DMD: variants seen among roughly 807,000 people sequenced by gnomAD.
DMD encodes the protein mutant dystrophin.
A neutral mutation model predicts 330.1 loss-of-function variants in DMD; 63 were observed. The ratio of observed to expected loss-of-function variants is 0.19; its 90% CI spans 0.16 to 0.24. The LOEUF is 0.24. Among genes scored for constraint, DMD ranks in the 10% least tolerant of loss-of-function variants. DMD has a pLI of 1.00. For synonymous variants in DMD, 1,223 were observed against 959.8 expected (o/e 1.27, Z -5.07); for missense variants, 3,344 against 2,684.1 (o/e 1.25, Z -5.43).
intron 4 of DMD, among the ~76,000 whole-genome samples, chrX:32,826,501 G>A (rs904904689): frequency 5.4e-5 from 6 of 110,978 alleles, no homozygotes; most frequent in African/African-American, 2.0e-4. Flanking sequence ...CACACACACT[G>A]GAATACTACT....
Position 32,065,947 on chromosome X carries a change from T to C in DMD, c.6439-97433A>G, listed in dbSNP as rs755290791. Among the ~76,000 whole-genome samples the C allele has an allele frequency of 5.8e-4, 65 of 111,141 alleles. 1 individual carries two copies. In the South Asian group the frequency reaches 0.023, roughly 39 times the overall value. On this transcript the variant is annotated intron_variant, in intron 44 of 78. Coordinates refer to ENST00000357033, the MANE Select transcript of DMD (RefSeq NM_004006.3). Reference sequence around the variant, plus strand: ...TCTTTCCTCGACAGTGAATCTTCTTTGTCAGGAAAAAAAATCTCAACAGTC... The same window carrying C: ...TCTTTCCTCGACAGTGAATCTTCTTCGTCAGGAAAAAAAATCTCAACAGTC...
chrX:32,718,373 C>T (rs942119185), intron 7 of DMD, among the ~76,000 whole-genome samples: 4 of 111,104 alleles, frequency 3.6e-5, no homozygotes, highest in Non-Finnish European at 7.5e-5. Flanking sequence ...CCTTCTCTGG[C>T]CATGTAAGCC....
At chrX:32,887,770 A>ACAAAAAAC (rs2084793900) in intron 2 of DMD, among the ~76,000 whole-genome samples, 2 of 70,337 alleles carry the variant, frequency 2.8e-5, no homozygotes, top group Non-Finnish European at 5.8e-5. Context: ...AAAAAAAAAA[A>ACAAAAAAC]AAAAAACATC....
At chrX:31,250,508 G>T (rs948840707) in intron 63 of DMD, among the ~76,000 whole-genome samples, 1 of 112,120 alleles carries the variant, frequency 8.9e-6, no homozygotes, top group Non-Finnish European at 1.9e-5. Context: ...CACTTGATTT[G>T]AGTTTACATT....
rs1430069108 is a variant in DMD at position 32,746,036 on chromosome X, T to C, written c.650-46743A>G. Among the ~76,000 whole-genome samples, 13 of 112,451 alleles carry C rather than the reference T, an allele frequency of 1.2e-4. No individual in the cohort carries two copies. In the East Asian group the frequency reaches 3.4e-3, roughly 29 times the overall value. ...AAGTAACTACCATTTTCACCAAATC[T>C]GCAAATCATATTCCAACAAGTTGTA... On this transcript the variant is annotated intron_variant, in intron 7 of 78. Transcript: ENST00000357033.
chrX:33,194,067 G>A, intron 1 of DMD, among the ~76,000 whole-genome samples: 1 of 110,482 alleles, frequency 9.1e-6, no homozygotes, highest in Middle Eastern at 4.7e-3. Flanking sequence ...TGACAAGTGA[G>A]AATGGTAATA....
chrX:32,809,943 AAAAGAAAGAAAG>A (rs553322206), intron 6 of DMD, among the ~76,000 whole-genome samples: 7,434 of 82,928 alleles, frequency 0.09, 538 homozygotes, highest in East Asian at 0.32. Context: ...AAAAAAAAAA[AAAAGAAAGAAAG>A]AAAGAAAGAA....
At chrX:32,974,551 T>A (rs746335219) in intron 2 of DMD, among the ~76,000 whole-genome samples, 3 of 111,881 alleles carry the variant, frequency 2.7e-5, no homozygotes, top group East Asian at 2.8e-4. Flanking sequence ...CACCTCTTTT[T>A]GTTGTGCTGT....
At chrX:33,127,992 T>A in intron 1 of DMD, 1 of 1,088,285 alleles carries the variant, frequency 9.2e-7, no homozygotes, top group Admixed American at 3.1e-5. Context: ...ATTTAACTTT[T>A]ATAGAAAGGC....
intron 9 of DMD, among the ~76,000 whole-genome samples, chrX:32,679,902 CTTT>C (rs766270656): frequency 1.9e-3 from 45 of 23,574 alleles, no homozygotes; most frequent in African/African-American, 7.1e-3. Context: ...AATATTTGTA[CTTT>C]TTTTTTTTTT....
At chrX:31,507,818 C>T (rs2071101766) in intron 55 of DMD, among the ~76,000 whole-genome samples, 2 of 111,507 alleles carry the variant, frequency 1.8e-5, no homozygotes, top group African/African-American at 6.5e-5. Context: ...AAAGTGTACC[C>T]CAGTGCCAAT....
At chrX:31,509,551 G>A (rs1428524727) in intron 55 of DMD, among the ~76,000 whole-genome samples, 2 of 111,709 alleles carry the variant, frequency 1.8e-5, no homozygotes, top group South Asian at 3.7e-4. Flanking sequence ...TACATATAAA[G>A]GATAGTACAT....
intron 54 of DMD, among the ~76,000 whole-genome samples, 153 bp from the exon 55 acceptor site, chrX:31,628,015 T>C (rs1269681686): frequency 9.0e-6 from 1 of 111,660 alleles, no homozygotes; most frequent in Non-Finnish European, 1.9e-5. Context: ...GCAACAACTA[T>C]AATATTGTGC....
At chrX:31,727,021 G>GA (rs1385088384) in intron 52 of DMD, among the ~76,000 whole-genome samples, 7 of 109,232 alleles carry the variant, frequency 6.4e-5, no homozygotes, top group East Asian at 2.9e-4. Flanking sequence ...AATGCAATAT[G>GA]AAAAAAAAAT....
intron 1 of DMD, among the ~76,000 whole-genome samples, chrX:33,257,635 T>C (rs1171973559): frequency 2.7e-5 from 3 of 111,168 alleles, no homozygotes; most frequent in Non-Finnish European, 3.8e-5. Context: ...GTAATCACGG[T>C]GATGAAACTA....
intron 49 of DMD, among the ~76,000 whole-genome samples, chrX:31,827,099 T>C (rs772144198): frequency 8.2e-4 from 92 of 112,280 alleles, no homozygotes; most frequent in Non-Finnish European, 1.6e-3. Context: ...TTTCTGAATA[T>C]AGCTTTCCTT....
chrX:32,842,543 C>T (rs916915370), intron 4 of DMD, among the ~76,000 whole-genome samples: 1 of 111,575 alleles, frequency 9.0e-6, no homozygotes, highest in Non-Finnish European at 1.9e-5. Flanking sequence ...AAGACCCCCC[C>T]CATACACCCT....
chrX:32,498,125 G>A (rs1032249455), intron 19 of DMD, among the ~76,000 whole-genome samples: 4 of 111,056 alleles, frequency 3.6e-5, no homozygotes, highest in African/African-American at 1.3e-4. Flanking sequence ...ACCTGGTCTA[G>A]CCTCTCACTT....
intron 28 of DMD, among the ~76,000 whole-genome samples, chrX:32,440,026 A>G (rs958828439): frequency 9.0e-6 from 1 of 111,214 alleles, no homozygotes; most frequent in Non-Finnish European, 1.9e-5. Flanking sequence ...AACATGCCCT[A>G]GTTTTTCAGC....
Sources: gnomAD v4.1 joint callset for allele counts (sites outside exome capture counted in the v4.1 genomes callset) on GRCh38, gnomAD v4.1.1 for gene constraint, MANE v1.5 for transcripts, NCBI Gene and HGNC (gene_info 2026-07-23, HGNC 2026-07-21) for gene names.